Variants in SLC2A7 observed in about 807,000 individuals in gnomAD.
The protein encoded by SLC2A7 is solute carrier family 2 member 7, also known as solute carrier family 2, facilitated glucose transporter member 7.
Under a neutral mutation model 50.5 loss-of-function variants are expected in SLC2A7, and 50 were observed. The ratio of observed to expected loss-of-function variants is 0.99; its 90% CI spans 0.79 to 1.25. The LOEUF (loss-of-function observed/expected upper bound fraction) is 1.25. Among genes scored for constraint, SLC2A7 ranks in the 50% most tolerant of loss-of-function variants. The probability of loss-of-function intolerance (pLI) is 0.00; values close to 1 mark genes in which losing one functional copy is unlikely to be tolerated. For synonymous variants in SLC2A7, 308 were observed against 300.4 expected (o/e 1.03, Z -0.26); for missense variants, 683 against 679.1 (o/e 1.01, Z -0.06).
chr1:9,024,415 T>C (rs748441088), intron 2 of SLC2A7, among the ~76,000 whole-genome samples: 4 of 152,192 alleles, frequency 2.6e-5, no homozygotes, highest in African/African-American at 4.8e-5. Flanking sequence ...TGCTAATATA[T>C]GTATACAAGC....
intron 5 of SLC2A7, 138 bp downstream of exon 5, chr1:9,018,085 A>G: frequency 8.5e-7 from 1 of 1,177,586 alleles, no homozygotes; most frequent in East Asian, 2.6e-5. Context: ...CACGTCACCC[A>G]TCCCTTTGCC....
rs1275036275 is a variant in SLC2A7 at position 9,019,274 on chromosome 1, A to G, written c.371T>C (p.Val124Ala). The G allele has an allele frequency of 6.2e-7, 1 of 1,613,956 alleles. No homozygotes were observed. Among genetic ancestry groups the G allele is most frequent in the Non-Finnish European group, 8.5e-7 (1 of 1,179,980 alleles). ...CTCAAAAGCCTTGGCCACTTTGCTG[A>G]CTCCCATCAGGATGGCGGGGATGAT... ...FAIIPAILMG[V>A]SKVAKAFELI... The change falls in exon 4 of 12, where the codon GTC becomes GCC. Residue 124 changes from valine (V) to alanine (A), a missense_variant. By Grantham distance (64) the Val-to-Ala change is moderately conservative. Coordinates refer to ENST00000400906, the MANE Select transcript of SLC2A7 (RefSeq NM_207420.3).
Position 9,011,776 on chromosome 1 carries a change from G to A in SLC2A7, c.1015-1532C>T, listed in dbSNP as rs1467379814. On this transcript the variant is annotated intron_variant, in intron 8 of 11. Transcript: ENST00000400906. ...TTTTTTTTTTTTTTTTTTTGGTGGAGTCTCACTCTGTCACCCAGGCTGGAG... is the reference window on the plus strand; with the variant it reads ...TTTTTTTTTTTTTTTTTTTGGTGGAATCTCACTCTGTCACCCAGGCTGGAG... Among the ~76,000 whole-genome samples, 3 of 121,944 alleles carry A rather than the reference G, an allele frequency of 2.5e-5. No individual in the cohort carries two copies. In the East Asian group the frequency reaches 7.6e-4, roughly 31 times the overall value. The allele number at this position is 121,944 out of a possible 152,430, so 80.0% of individuals were successfully genotyped here. A position where few individuals can be genotyped will look rare whatever the true frequency, so the allele number is the denominator to read the frequency against.
At chr1:9,009,534 G>A (rs764301505) in intron 9 of SLC2A7, among the ~76,000 whole-genome samples, 1 of 152,168 alleles carries the variant, frequency 6.6e-6, no homozygotes, top group Non-Finnish European at 1.5e-5. Flanking sequence ...ATGGCTCACT[G>A]CAGCCTTGAC....
the SLC2A7 span, among the ~76,000 whole-genome samples, chr1:8,995,602 AG>A: frequency 6.6e-6 from 1 of 151,784 alleles, no homozygotes; most frequent in African/African-American, 2.4e-5. Context: ...AAAATTAGCC[AG>A]GCACGGTGGC....
At chr1:9,014,275 G>T (rs1413982956) in intron 7 of SLC2A7, among the ~76,000 whole-genome samples, 1 of 152,222 alleles carries the variant, frequency 6.6e-6, no homozygotes. Context: ...CAGCCAAAGA[G>T]CCACGGTCGC....
intron 5 of SLC2A7, among the ~76,000 whole-genome samples, chr1:9,017,516 A>G (rs1640848599): frequency 6.6e-6 from 1 of 152,144 alleles, no homozygotes; most frequent in African/African-American, 2.4e-5. Context: ...CACTCAGTCC[A>G]TTTACGTCGG....
At chr1:9,009,573 C>T (rs910526488) in intron 9 of SLC2A7, among the ~76,000 whole-genome samples, 3 of 152,226 alleles carry the variant, frequency 2.0e-5, no homozygotes, top group Non-Finnish European at 4.4e-5. Flanking sequence ...CCTCCCACCT[C>T]AGCTTCCTGA....
chr1:9,001,450 C>G (rs1485460438), downstream of SLC2A7, among the ~76,000 whole-genome samples: 5 of 140,238 alleles, frequency 3.6e-5, no homozygotes, highest in African/African-American at 1.3e-4. Context: ...TAGACAGGGT[C>G]TCACTCTGTC....
the SLC2A7 span, among the ~76,000 whole-genome samples, chr1:8,996,651 C>T: frequency 5.3e-5 from 8 of 152,296 alleles, no homozygotes; most frequent in African/African-American, 1.4e-4. Flanking sequence ...GCCGTGGACC[C>T]GCGTTCCAGT....
chr1:8,994,524 C>T, the SLC2A7 span, among the ~76,000 whole-genome samples: 5 of 152,098 alleles, frequency 3.3e-5, no homozygotes, highest in Admixed American at 6.6e-5. Context: ...GAATGAAACC[C>T]GATAAACAAG....
At chr1:9,023,284 C>G (rs992154205) in intron 2 of SLC2A7, among the ~76,000 whole-genome samples, 1 of 152,144 alleles carries the variant, frequency 6.6e-6, no homozygotes, top group Admixed American at 6.5e-5. Context: ...CTAGGCTGAA[C>G]AAAAAGATTG....
At chr1:9,016,725 A>G (rs1350624580) in intron 5 of SLC2A7, among the ~76,000 whole-genome samples, 1 of 151,818 alleles carries the variant, frequency 6.6e-6, no homozygotes, top group Non-Finnish European at 1.5e-5. Flanking sequence ...GGGAAAGAGA[A>G]AAAGAGAGAA....
chr1:9,010,008 G>C, intron 9 of SLC2A7, 135 bp downstream of exon 9: 2 of 736,222 alleles, frequency 2.7e-6, no homozygotes, highest in South Asian at 3.4e-5. Flanking sequence ...GCATTGCAAA[G>C]TACTTTTCCA....
intron 9 of SLC2A7, among the ~76,000 whole-genome samples, 190 bp downstream of exon 9, chr1:9,009,953 G>A (rs1640720955): frequency 6.6e-6 from 1 of 152,260 alleles, no homozygotes. Context: ...TGCATGTGCA[G>A]GTGTAGGTAA....
intron 8 of SLC2A7, among the ~76,000 whole-genome samples, chr1:9,012,964 C>T (rs903823322): frequency 1.3e-5 from 2 of 152,176 alleles, no homozygotes; most frequent in African/African-American, 2.4e-5. Context: ...TCTCCCTGCT[C>T]ACTGCAATCT....
chr1:9,004,020 GAA>G (rs34900310), intron 11 of SLC2A7, among the ~76,000 whole-genome samples: 58 of 131,324 alleles, frequency 4.4e-4, no homozygotes, highest in African/African-American at 1.2e-3. Flanking sequence ...TTGTTTGCAG[GAA>G]AAAAAAAAAA....
chr1:9,019,195 T>C lies in SLC2A7; in HGVS notation c.436+14A>G. 1 of 1,612,544 alleles carries C rather than the reference T, an allele frequency of 6.2e-7. No individual in the cohort carries two copies. Among genetic ancestry groups the C allele is most frequent in the Non-Finnish European group, 8.5e-7 (1 of 1,179,158 alleles). On this transcript the variant is annotated intron_variant, in intron 4 of 11. Coordinates refer to ENST00000400906, the MANE Select transcript of SLC2A7 (RefSeq NM_207420.3). ...CTTCCCCCAAGGCTGAGCCGGAGCC[T>C]GGGCCCCAGGTACCTGCACAGACTC...
At chr1:9,025,110 G>A (rs752904778) in intron 1 of SLC2A7, 36 bp from the exon 2 acceptor site, 2 of 1,604,630 alleles carry the variant, frequency 1.2e-6, no homozygotes, top group Admixed American at 3.4e-5. Flanking sequence ...GACGCTGTGG[G>A]CTTGGGCCTC....
Sources: gnomAD v4.1 joint callset for allele counts (sites outside exome capture counted in the v4.1 genomes callset) on GRCh38, gnomAD v4.1.1 for gene constraint, MANE v1.5 for transcripts, NCBI Gene and HGNC (gene_info 2026-07-23, HGNC 2026-07-21) for gene names.